SEC63: variants seen among roughly 807,000 people sequenced by gnomAD.
SEC63 encodes the protein SEC63 protein translocation regulator, also known as translocation protein SEC63 homolog.
A neutral mutation model predicts 116.2 loss-of-function variants in SEC63; 56 were observed. The observed-to-expected ratio is 0.48, with a 90% CI of 0.39 to 0.60. The LOEUF is 0.60. Among genes scored for constraint, SEC63 ranks in the 20% least tolerant of loss-of-function variants. The pLI is 0.00. For missense variants in SEC63, 668 were observed against 900.0 expected (o/e 0.74, Z 3.30); for synonymous variants, 273 against 294.6 (o/e 0.93, Z 0.75).
chr6:107,945,976 G>A (rs990070388), intron 1 of SEC63, among the ~76,000 whole-genome samples: 5 of 151,740 alleles, frequency 3.3e-5, no homozygotes, highest in East Asian at 1.9e-4. Context: ...TTACTCTGTC[G>A]CCCAGGCTGG....
intron 6 of SEC63, 105 bp from the exon 7 acceptor site, chr6:107,911,501 T>C (rs1293046430): frequency 7.8e-6 from 6 of 767,492 alleles, no homozygotes; most frequent in African/African-American, 1.7e-5. Context: ...ATTAAAAGGA[T>C]TCCTCATGTA....
In SEC63 at chr6:107,901,058, C is replaced by A. The variant is rs1001595996; in HGVS notation, c.1357+312G>T. Among the ~76,000 whole-genome samples the A allele has an allele frequency of 2.6e-5, 4 of 152,130 alleles. No individual in the cohort carries two copies. In the East Asian group the frequency reaches 7.7e-4, roughly 29 times the overall value. On this transcript the variant is annotated intron_variant, in intron 13 of 20. Transcript: ENST00000369002. ...AATAATATACTTCAAATATCTCATT[C>A]TTTTATTATGCCTGGAAGTCTTCAT...
chr6:107,876,484 TA>T (rs537433256), intron 19 of SEC63, 79 bp downstream of exon 19: 19 of 894,892 alleles, frequency 2.1e-5, no homozygotes, highest in Non-Finnish European at 2.8e-5. Flanking sequence ...ATAAACTTTT[TA>T]AAAAAAAGAT....
intron 19 of SEC63, among the ~76,000 whole-genome samples, chr6:107,874,437 A>G (rs1022816133): frequency 6.6e-6 from 1 of 152,068 alleles, no homozygotes; most frequent in Non-Finnish European, 1.5e-5. Context: ...TACTAAAAAA[A>G]TATAAAAAAT....
chr6:107,913,440 G>A lies in SEC63; in HGVS notation c.453-13C>T, dbSNP rs758659444. 1 of 1,609,242 alleles carries A rather than the reference G, an allele frequency of 6.2e-7. No homozygotes were observed. The highest frequency in any genetic ancestry group is 8.5e-7 in the Non-Finnish European group (1 of 1,175,832). On this transcript the variant is annotated splice_polypyrimidine_tract_variant and intron_variant, in intron 4 of 20. Coordinates refer to ENST00000369002, the MANE Select transcript of SEC63 (RefSeq NM_007214.5). ...TTCATCCGTTAAACTAGCATCAAAA[G>A]AACAAAGTTGCAAAATTAGAAAGCC...
chr6:107,918,546 G>C (rs995838464), intron 4 of SEC63, among the ~76,000 whole-genome samples: 2 of 151,952 alleles, frequency 1.3e-5, no homozygotes, highest in African/African-American at 2.4e-5. Flanking sequence ...ACAATAATTT[G>C]CCAGGCATGG....
At chr6:107,902,015 C>T (rs1332948094) in intron 12 of SEC63, among the ~76,000 whole-genome samples, 3 of 152,026 alleles carry the variant, frequency 2.0e-5, no homozygotes, top group Non-Finnish European at 2.9e-5. Context: ...GCTATTACTA[C>T]AGTAATATCC....
intron 19 of SEC63, among the ~76,000 whole-genome samples, chr6:107,875,572 C>T (rs1267793452): frequency 6.6e-6 from 1 of 151,992 alleles, no homozygotes; most frequent in Admixed American, 6.6e-5. Flanking sequence ...CTAATTTTTA[C>T]GGGGTGCACG....
intron 4 of SEC63, among the ~76,000 whole-genome samples, chr6:107,917,550 C>T (rs1207888448): frequency 2.6e-5 from 4 of 152,178 alleles, no homozygotes; most frequent in Admixed American, 6.5e-5. Flanking sequence ...CAAAACAAGC[C>T]AAAAGCTAGG....
chr6:107,916,127 G>T (rs1787394951), intron 4 of SEC63, among the ~76,000 whole-genome samples: 1 of 151,500 alleles, frequency 6.6e-6, no homozygotes, highest in Non-Finnish European at 1.5e-5. Flanking sequence ...GATAGGGTGG[G>T]GGGATTTCAC....
chr6:107,948,726 C>T (rs1770524088), intron 1 of SEC63, among the ~76,000 whole-genome samples: 1 of 152,112 alleles, frequency 6.6e-6, no homozygotes, highest in South Asian at 2.1e-4. Context: ...ATCCCAAAGC[C>T]TTCATCTGCC....
rs752445860 is a variant in SEC63, at chr6:107,908,938, A to G, written c.722T>C (p.Met241Thr). The change falls in exon 8 of 21, where the codon ATG becomes ACG. Residue 241 changes from methionine (M) to threonine (T), a missense_variant. By Grantham distance (81) the Met-to-Thr change is moderately conservative (BLOSUM62 -1). This residue lies in a region of SEC63 where 430 missense variants were observed against 557.5 expected (regional missense o/e 0.77). Coordinates refer to ENST00000369002, the MANE Select transcript of SEC63 (RefSeq NM_007214.5). ...YTYFVYKTRN[M>T]DMKRLIMVLA... ...TAAAGTTTACTTACGTTTCATATCC[A>G]TATTTCGGGTTTTATAAACAAAGTA... 16 of 1,597,076 alleles carry G rather than the reference A, an allele frequency of 1.0e-5. No individual in the cohort carries two copies. The South Asian group carries it at 1.1e-4, about 11-fold the overall frequency.
At chr6:107,907,487 C>T (rs961374975) in intron 8 of SEC63, among the ~76,000 whole-genome samples, 20 of 152,122 alleles carry the variant, frequency 1.3e-4, no homozygotes, top group Non-Finnish European at 2.2e-4. Flanking sequence ...GAGGCTGAGG[C>T]AGGAGAATTG....
intron 10 of SEC63, among the ~76,000 whole-genome samples, chr6:107,905,134 C>T (rs1787118739): frequency 6.6e-6 from 1 of 152,184 alleles, no homozygotes; most frequent in South Asian, 2.1e-4. Context: ...AAGAGAAAGA[C>T]TCTTTCATTT....
intron 19 of SEC63, among the ~76,000 whole-genome samples, 193 bp from the exon 20 acceptor site, chr6:107,873,105 C>T (rs1786172001): frequency 6.6e-6 from 1 of 152,028 alleles, no homozygotes; most frequent in African/African-American, 2.4e-5. Flanking sequence ...ATTATAAATA[C>T]CTCCCAAAGA....
chr6:107,883,257 T>TTTTTTAAA, intron 16 of SEC63, 111 bp from the exon 17 acceptor site: 2 of 1,322,998 alleles, frequency 1.5e-6, no homozygotes, highest in Non-Finnish European at 1.0e-6. Flanking sequence ...TCGATGACAA[T>TTTTTTAAA]TTCACTATTC....
At chr6:107,906,799 G>A (rs1432044302) in intron 8 of SEC63, 22 bp from the exon 9 acceptor site, 1 of 1,548,664 alleles carries the variant, frequency 6.5e-7, no homozygotes, top group Admixed American at 1.7e-5. Flanking sequence ...AAAGAAATAT[G>A]AAGGTAAATA....
intron 1 of SEC63, among the ~76,000 whole-genome samples, chr6:107,950,143 T>C (rs912171688): frequency 2.0e-5 from 3 of 152,100 alleles, no homozygotes; most frequent in Admixed American, 6.6e-5. Flanking sequence ...GTGGTGACTA[T>C]AAGACAAAAT....
chr6:107,948,626 T>C (rs1342489967), intron 1 of SEC63, among the ~76,000 whole-genome samples: 1 of 152,152 alleles, frequency 6.6e-6, no homozygotes, highest in Admixed American at 6.5e-5. Context: ...GGCTCAGTGA[T>C]ACCCAAAATA....
Sources: gnomAD v4.1 joint callset for allele counts (sites outside exome capture counted in the v4.1 genomes callset) on GRCh38, gnomAD v4.1.1 for gene constraint, gnomAD v4.1.1 regional missense constraint, MANE v1.5 for transcripts, NCBI Gene and HGNC (gene_info 2026-07-23, HGNC 2026-07-21) for gene names.